The following PCLO variants were observed in gnomAD, a reference collection of about 807,000 sequenced individuals.
PCLO encodes piccolo presynaptic cytomatrix protein.
Under a neutral mutation model 427.5 loss-of-function variants are expected in PCLO, and 82 were observed. That is an observed-to-expected ratio of 0.19 (90% CI 0.16 to 0.23). The LOEUF (loss-of-function observed/expected upper bound fraction) is 0.23, where lower values mean the gene tolerates loss of function less well. Among genes scored for constraint, PCLO ranks in the 10% least tolerant of loss-of-function variants. The probability of loss-of-function intolerance (pLI) is 1.00; values close to 1 mark genes in which losing one functional copy is unlikely to be tolerated. For missense variants in PCLO, 6,239 were observed against 6,115.9 expected (o/e 1.02, Z -0.67); for synonymous variants, 2,357 against 2,155.4 (o/e 1.09, Z -2.59).
At chr7:83,019,109 C>A (rs12707534) in intron 3 of PCLO, among the ~76,000 whole-genome samples, 15,103 of 151,902 alleles carry the variant, frequency 0.099, 1,012 homozygotes, top group Non-Finnish European at 0.14. Context: ...GACATTTATA[C>A]ATGAGTGAGT....
At chr7:83,055,964 G>C (rs1156963018) in intron 3 of PCLO, among the ~76,000 whole-genome samples, 1 of 152,058 alleles carries the variant, frequency 6.6e-6, no homozygotes, top group East Asian at 1.9e-4. Context: ...TTAATACATA[G>C]TTTATAGCCA....
intron 1 of PCLO, among the ~76,000 whole-genome samples, chr7:83,157,363 T>A (rs1792327617): frequency 6.6e-6 from 1 of 152,192 alleles, no homozygotes; most frequent in Non-Finnish European, 1.5e-5. Context: ...TTGAGATATA[T>A]CTTGGTATCC....
chr7:82,838,839 A>T lies in PCLO; in HGVS notation c.14098-497T>A, dbSNP rs571376564. On this transcript the variant is annotated intron_variant, in intron 14 of 24. Transcript: ENST00000333891. ...TGTAAGAATATTTAAGAATACACAG[A>T]TTATTACTTTTTAATGTTATATTAT... is the stretch of plus-strand genomic sequence containing the variant. Among the ~76,000 whole-genome samples the T allele has an allele frequency of 2.2e-4, 34 of 152,120 alleles. No homozygotes were observed. In the South Asian group the frequency reaches 7.0e-3, roughly 32 times the overall value.
chr7:82,879,549 C>A, intron 9 of PCLO, 87 bp from the exon 10 acceptor site: 2 of 958,812 alleles, frequency 2.1e-6, no homozygotes, highest in South Asian at 1.8e-5. Flanking sequence ...AAAAGTAGGT[C>A]TGGTATCCAG....
rs777063692 is a variant in PCLO at position 82,954,806 on chromosome 7, T to A, written c.6147A>T (p.Val2049=). ...SHEIVDLGTM[V]TSTEEERKLL... ...GTTTCCTTTCTTCTTCTGTAGAAGT[T>A]ACCATAGTACCCAGGTCCACTATCT... is the stretch of plus-strand genomic sequence containing the variant. The change falls in exon 5 of 25, where the codon GTA becomes GTT. Residue 2049 remains valine (V), a synonymous_variant. Transcript: ENST00000333891. 19 of 1,613,752 alleles carry A rather than the reference T, an allele frequency of 1.2e-5. No individual in the cohort carries two copies. The highest frequency in any genetic ancestry group is 1.5e-5 in the Non-Finnish European group (18 of 1,179,820).
chr7:82,842,506 C>A (rs116091725), intron 13 of PCLO, among the ~76,000 whole-genome samples: 2 of 151,844 alleles, frequency 1.3e-5, no homozygotes, highest in African/African-American at 4.8e-5. Context: ...GAGATGACTC[C>A]GAAAGCACAG....
At chr7:83,030,497 C>T (rs769406964) in intron 3 of PCLO, among the ~76,000 whole-genome samples, 49 of 152,124 alleles carry the variant, frequency 3.2e-4, no homozygotes, top group Non-Finnish European at 6.2e-4. Context: ...CTTTTCAACT[C>T]CTATCTCTGT....
chr7:82,887,150 C>T (rs539902031), intron 9 of PCLO, among the ~76,000 whole-genome samples: 3 of 152,154 alleles, frequency 2.0e-5, no homozygotes, highest in South Asian at 4.1e-4. Context: ...TTTTGAGTTA[C>T]GTACTATTCA....
chr7:82,949,582 G>A lies in PCLO; in HGVS notation c.11006C>T (p.Pro3669Leu). The A allele has an allele frequency of 1.2e-6, 2 of 1,613,872 alleles. No homozygotes were observed. The highest frequency in any genetic ancestry group is 1.7e-6 in the Non-Finnish European group (2 of 1,179,834). The change falls in exon 6 of 25, where the codon CCT (proline) becomes CTT (leucine). Residue 3669 changes from proline (P) to leucine (L), a missense_variant. Pro to Leu is a moderately conservative substitution (Grantham distance 98). Transcript: ENST00000333891. ...ACGCTGCATCATCTTGGCTGTCTTA[G>A]GACTTGCTGGGGGAACTTTAGCCAT... ...PDMAKVPPAS[P>L]KTAKMMQRSM...
chr7:82,951,132 C>T lies in PCLO; in HGVS notation c.9456G>A (p.Thr3152=), dbSNP rs915755475. The T allele has an allele frequency of 1.4e-5, 23 of 1,613,566 alleles. No homozygotes were observed. The highest frequency in any genetic ancestry group is 1.8e-5 in the Non-Finnish European group (21 of 1,179,736). ...SYFITTGASE[T]DIAVTGIDIS... is the part of the protein sequence containing the mutation. ...TATCAATACCAGTTACTGCAATGTC[C>T]GTTTCAGATGCACCTGTTGTTATAA... Residue 3152 remains threonine (T), a synonymous_variant, in exon 6 of 25, where the codon ACG becomes ACA. Transcript: ENST00000333891.
Position 82,916,685 on chromosome 7 carries a change from G to A in PCLO, c.11301C>T (p.Asp3767=), listed in dbSNP as rs368669248. The change falls in exon 7 of 25, where the codon GAC becomes GAT. Residue 3767 remains aspartate, a synonymous_variant. Coordinates refer to ENST00000333891, the MANE Select transcript of PCLO (RefSeq NM_033026.6). ...MARAKILQDI[D]RELDLVERES... Reference sequence around the variant, plus strand: ...CCCTTTCCACAAGATCAAGCTCTCTGTCTATGTCCTGGAGAATCTTGGCTC... The same window carrying A: ...CCCTTTCCACAAGATCAAGCTCTCTATCTATGTCCTGGAGAATCTTGGCTC... 6.2e-6 allele frequency: 10 copies of A among 1,613,444 alleles called. No individual in the cohort carries two copies. In the African/African-American group the frequency reaches 8.0e-5, roughly 13 times the overall value.
chr7:83,087,298 G>C (rs1191621681), intron 3 of PCLO, among the ~76,000 whole-genome samples: 1 of 151,866 alleles, frequency 6.6e-6, no homozygotes, highest in African/African-American at 2.4e-5. Context: ...TGGAGACTCA[G>C]AAGCAGGGAG....
chr7:82,785,145 C>G (rs997268656), intron 22 of PCLO, among the ~76,000 whole-genome samples: 3 of 152,070 alleles, frequency 2.0e-5, no homozygotes, highest in African/African-American at 7.2e-5. Flanking sequence ...GCAGTAGAGA[C>G]TGGTTTTGTG....
intron 24 of PCLO, 143 bp downstream of exon 24, chr7:82,760,496 C>A: frequency 2.1e-6 from 1 of 480,020 alleles, no homozygotes; most frequent in Non-Finnish European, 3.5e-6. Flanking sequence ...CTAAAAGATT[C>A]CTGGGGAGAT....
At chr7:82,760,943 C>CT (rs767222339) in intron 23 of PCLO, among the ~76,000 whole-genome samples, 159 bp from the exon 24 acceptor site, 3,538 of 60,374 alleles carry the variant, frequency 0.059, 953 homozygotes, top group African/African-American at 0.086. Context: ...AAAGATATGT[C>CT]TTTTTTTTTT....
chr7:82,780,728 T>C (rs1371000286), intron 22 of PCLO, among the ~76,000 whole-genome samples: 1 of 152,190 alleles, frequency 6.6e-6, no homozygotes, highest in Non-Finnish European at 1.5e-5. Flanking sequence ...AAATAAGTGG[T>C]TACTAACAAT....
rs1792473218 is a variant in PCLO, at chr7:82,845,392, G to A, written c.13925C>T (p.Ser4642Leu). The part of the protein sequence containing the change: ...SLQQSPLVLS[S>L]VVEKGSHVHS... ...AACATGAGATCCTTTTTCAACAACT[G>A]ATGACAGAACCAGCGGTGACTGCTG... The change falls in exon 13 of 25, where the codon TCA becomes TTA. Residue 4642 changes from serine to leucine, a missense_variant. By Grantham distance (145) the Ser-to-Leu change is moderately radical. Coordinates refer to ENST00000333891, the MANE Select transcript of PCLO (RefSeq NM_033026.6). The A allele has an allele frequency of 1.2e-6, 2 of 1,613,128 alleles. No individual in the cohort carries two copies. Among genetic ancestry groups the A allele is most frequent in the Admixed American group, 3.3e-5 (2 of 59,896 alleles).
intron 10 of PCLO, among the ~76,000 whole-genome samples, chr7:82,860,517 A>G (rs959360833): frequency 5.9e-5 from 9 of 152,118 alleles, no homozygotes; most frequent in Non-Finnish European, 1.2e-4. Flanking sequence ...AAAAAAGCTG[A>G]GGGATTTCAA....
intron 10 of PCLO, among the ~76,000 whole-genome samples, chr7:82,850,455 T>C (rs1231254883): frequency 3.9e-5 from 6 of 152,162 alleles, no homozygotes. Context: ...GAACTTAGTA[T>C]TAACATAAAA....
Sources: allele counts gnomAD v4.1 joint callset (sites outside exome capture counted in the v4.1 genomes callset), GRCh38; gene constraint gnomAD v4.1.1; transcripts MANE v1.5; gene names NCBI Gene and HGNC (gene_info 2026-07-23, HGNC 2026-07-21).